The following AGL variants were observed in gnomAD, a reference collection of about 807,000 sequenced individuals.
The protein encoded by AGL is glycogen debranching enzyme.
A neutral mutation model predicts 199.3 loss-of-function variants in AGL; 128 were observed. The ratio of observed to expected loss-of-function variants is 0.64; its 90% CI spans 0.56 to 0.74. AGL has a LOEUF of 0.74. AGL is among the 30% of genes least tolerant of loss of function. The pLI is 0.00. For missense variants in AGL, 1,809 were observed against 1,820.8 expected (o/e 0.99, Z 0.12); for synonymous variants, 584 against 594.7 (o/e 0.98, Z 0.26).
chr1:99,899,373 CCTTT>C (rs1557778634), intron 25 of AGL, among the ~76,000 whole-genome samples: 1 of 152,052 alleles, frequency 6.6e-6, no homozygotes, highest in East Asian at 1.9e-4. Context: ...TTCTAGAGTG[CCTTT>C]CTGTCTTACA....
At chr1:99,869,325 CTTA>C (rs766495758) in intron 5 of AGL, among the ~76,000 whole-genome samples, 36 of 152,122 alleles carry the variant, frequency 2.4e-4, no homozygotes, top group Non-Finnish European at 3.7e-4. Context: ...CATCTGAGTG[CTTA>C]TTATGGGTAT....
At position 99,862,367 on chromosome 1, in the gene AGL, A is replaced by G. The variant is rs1650118997; in HGVS notation, c.404A>G (p.Lys135Arg). The change falls in exon 4 of 34, where the codon AAG becomes AGG. Residue 135 changes from lysine (K) to arginine (R), a missense_variant. By Grantham distance (26) the Lys-to-Arg change is conservative (BLOSUM62 2). Coordinates refer to ENST00000361915, the MANE Select transcript of AGL (RefSeq NM_000642.3). The part of the protein sequence containing the change: ...DCVTLQTFLA[K>R]CLGPFDEWES... ...GTTACTCTTCAGACATTTTTAGCTA[A>G]GTGTTTGGGACCTTTTGATGAATGG... The G allele has an allele frequency of 1.2e-6, 2 of 1,614,142 alleles. No homozygotes were observed. Among genetic ancestry groups the G allele is most frequent in the Non-Finnish European group, 1.7e-6 (2 of 1,180,016 alleles).
chr1:99,901,132 A>G (rs1653804731), intron 26 of AGL, among the ~76,000 whole-genome samples: 1 of 151,834 alleles, frequency 6.6e-6, no homozygotes, highest in Admixed American at 6.6e-5. Flanking sequence ...TAAAAGAGAG[A>G]GAAGGTCCAG....
intron 24 of AGL, 49 bp downstream of exon 24, chr1:99,892,656 G>T: frequency 6.4e-7 from 1 of 1,557,990 alleles, no homozygotes; most frequent in East Asian, 2.3e-5. Context: ...TAGTATTCGC[G>T]GAAGAAAAGT....
chr1:99,900,560 C>T (rs1037616172), intron 25 of AGL, 76 bp from the exon 26 acceptor site: 14 of 1,357,234 alleles, frequency 1.0e-5, no homozygotes, highest in Non-Finnish European at 1.5e-5. Context: ...ATATAGTCAC[C>T]AAAAGTGACT....
At position 99,897,383 on chromosome 1, in the gene AGL, T is replaced by G. The variant is rs577636686; in HGVS notation, c.3362+995T>G. 1.2e-4 allele frequency among the ~76,000 whole-genome samples: 18 copies of G among 152,346 alleles called. 1 individual carries two copies. Among genetic ancestry groups the G allele is most frequent in the Admixed American group, 9.1e-4 (14 of 15,304 alleles). On this transcript the variant is annotated intron_variant, in intron 25 of 33. Transcript: ENST00000361915. The stretch of plus-strand genomic sequence containing the variant: ...TTATCAACAGTCTAAGGCTGAAGTT[T>G]GAAAGCACTGCTCTAAAAGATAAAA...
chr1:99,860,346 T>C (rs1025430718), intron 2 of AGL, among the ~76,000 whole-genome samples: 3 of 152,042 alleles, frequency 2.0e-5, no homozygotes, highest in Non-Finnish European at 1.5e-5. Context: ...TTTTACTCAG[T>C]GGAACTAAAC....
In AGL at chr1:99,877,697, C is replaced by T. The variant is rs199660743; in HGVS notation, c.1480C>T (p.Arg494Cys). The stretch of plus-strand genomic sequence containing the variant: ...TTGCTGGGGAGACAGTGTTAAATTA[C>T]GCTATGGGAATAAACCAGAGGACTG... ...LICWGDSVKL[R>C]YGNKPEDCPY... The change falls in exon 12 of 34, where the codon CGC becomes TGC. Residue 494 changes from arginine to cysteine, a missense_variant. Arg to Cys is a radical substitution (Grantham distance 180). Transcript: ENST00000361915. 1.8e-5 allele frequency: 29 copies of T among 1,614,012 alleles called. No individual in the cohort carries two copies. In the African/African-American group the frequency reaches 2.7e-4, roughly 15 times the overall value.
rs902469758 is a variant in AGL, at chr1:99,916,460, A to G, written c.4310A>G (p.Tyr1437Cys). Reference protein sequence around the residue: ...IYDNALDNDNYNLAKGFNYHQ... With the variant: ...IYDNALDNDNCNLAKGFNYHQ... The stretch of plus-strand genomic sequence containing the variant: ...GACAATGCATTAGACAATGACAACT[A>G]CAATCTTGCTAAAGGTTTCAATTAT... The change falls in exon 32 of 34, where the codon TAC (tyrosine) becomes TGC (cysteine). Residue 1437 changes from tyrosine (Y) to cysteine (C), a missense_variant. Coordinates refer to ENST00000361915, the MANE Select transcript of AGL (RefSeq NM_000642.3). 6.2e-6 allele frequency: 10 copies of G among 1,612,842 alleles called. No homozygotes were observed. Among genetic ancestry groups the G allele is most frequent in the South Asian group, 2.2e-5 (2 of 90,888 alleles).
Position 99,923,089 on chromosome 1 carries a change from AAT to A in AGL, c.*1440_*1441del, listed in dbSNP as rs1557800065. On this transcript the variant is annotated 3_prime_UTR_variant, in exon 34 of 34. Transcript: ENST00000361915. ...TCTTCAAAGCTGACCTTGCTTTAGA[AAT>A]AGTTTTAACTAGCTTAGTTTTCTGG... 4 of 152,126 alleles carry A rather than the reference AAT, an allele frequency of 2.6e-5. No homozygotes were observed. The highest frequency in any genetic ancestry group is 6.6e-5 in the Admixed American group (1 of 15,256). The allele number at this position is 152,126 out of a possible 1,614,324, so 9.4% of individuals were successfully genotyped here.
rs1450860025 is a variant in AGL at position 99,864,378 on chromosome 1, C to T, written c.461-8C>T. The T allele has an allele frequency of 6.2e-7, 1 of 1,610,730 alleles. No homozygotes were observed. The highest frequency in any genetic ancestry group is 1.3e-5 in the African/African-American group (1 of 74,818). On this transcript the variant is annotated splice_region_variant and splice_polypyrimidine_tract_variant and intron_variant, in intron 4 of 33. Transcript: ENST00000361915. ...TTTACAGTGGTCTTTCCTTTATTTG[C>T]TTTGCAGGCTACAACATGATTCATT...
chr1:99,907,693 G>GTTTTTTTTTTT (rs71075465), intron 27 of AGL, among the ~76,000 whole-genome samples: 3 of 118,972 alleles, frequency 2.5e-5, no homozygotes, highest in Admixed American at 9.2e-5. Flanking sequence ...TTTGTTTTTT[G>GTTTTTTTTTTT]TTTTTTTTGC....
Position 99,910,164 on chromosome 1 carries a change from C to A in AGL, c.3701-548C>A, listed in dbSNP as rs377239177. ...TGGATATATTGGGTAAGGGTGAAGT[C>A]TGGGCTTTTAGTGTAACCATCAGCA... is the stretch of plus-strand genomic sequence containing the variant. On this transcript the variant is annotated intron_variant, in intron 27 of 33. Transcript: ENST00000361915. 1.2e-4 allele frequency among the ~76,000 whole-genome samples: 18 copies of A among 152,160 alleles called. No homozygotes were observed. The South Asian group carries it at 3.7e-3, about 32-fold the overall frequency.
chr1:99,872,340 C>T (rs1557755912), intron 7 of AGL, among the ~76,000 whole-genome samples: 1 of 152,030 alleles, frequency 6.6e-6, no homozygotes. Flanking sequence ...TGTTTACTTG[C>T]TTATGTGAGT....
At chr1:99,869,816 A>T (rs1173661256) in intron 5 of AGL, among the ~76,000 whole-genome samples, 1 of 152,214 alleles carries the variant, frequency 6.6e-6, no homozygotes, top group Non-Finnish European at 1.5e-5. Context: ...TTTTAAATTA[A>T]AACAAATTAT....
intron 33 of AGL, among the ~76,000 whole-genome samples, chr1:99,920,462 A>G (rs1655440346): frequency 6.6e-6 from 1 of 152,224 alleles, no homozygotes; most frequent in Non-Finnish European, 1.5e-5. Context: ...GGACTTCAAC[A>G]TACAAATTCT....
At position 99,852,536 on chromosome 1, in the gene AGL, A is replaced by AT. The variant is rs58176899; in HGVS notation, c.82+1432dup. Reference sequence around the variant, plus strand: ...AGGCATACATCACTATGCCCCGCTAATTTTTTTTTTTTTTTTTTTTGTAGA... The same window carrying AT: ...AGGCATACATCACTATGCCCCGCTAATTTTTTTTTTTTTTTTTTTTTGTAGA... On this transcript the variant is annotated intron_variant, in intron 2 of 33. Transcript: ENST00000361915. 123,196 of 475,214 alleles carry AT rather than the reference A, an allele frequency of 0.26. 10,471 individuals carry two copies. Among genetic ancestry groups the AT allele is most frequent in the East Asian group, 0.29 (8,127 of 28,158 alleles). 29.4% of individuals were successfully genotyped at this position (475,214 alleles called of 1,614,324 possible).
At position 99,915,497 on chromosome 1, in the gene AGL, A is replaced by G; in HGVS notation, c.4259+11A>G. ...AACTTTAGATCCAGAGTAAGTTGGA[A>G]TATAAGTATTAAGAATGTTATCATA... On this transcript the variant is annotated intron_variant, in intron 31 of 33. Coordinates refer to ENST00000361915, the MANE Select transcript of AGL (RefSeq NM_000642.3). 6 of 1,586,590 alleles carry G rather than the reference A, an allele frequency of 3.8e-6. No homozygotes were observed. Among genetic ancestry groups the G allele is most frequent in the Middle Eastern group, 1.7e-4 (1 of 6,006 alleles).
intron 2 of AGL, among the ~76,000 whole-genome samples, chr1:99,857,468 A>C (rs1248576761): frequency 6.6e-6 from 1 of 151,900 alleles, no homozygotes; most frequent in East Asian, 2.0e-4. Flanking sequence ...GGCGGCTGGG[A>C]GGTGGAGGTT....
Sources: allele counts gnomAD v4.1 joint callset (sites outside exome capture counted in the v4.1 genomes callset), GRCh38; gene constraint gnomAD v4.1.1; transcripts MANE v1.5; gene names NCBI Gene and HGNC (gene_info 2026-07-23, HGNC 2026-07-21).